CPAMD8: variants seen among roughly 807,000 people sequenced by gnomAD.
CPAMD8 encodes the protein C3 and PZP-like alpha-2-macroglobulin domain-containing protein 8.
CPAMD8 carries 146 observed loss-of-function variants against 224.7 expected under a neutral mutation model. The observed-to-expected ratio is 0.65, with a 90% confidence interval of 0.57 to 0.75. The LOEUF (loss-of-function observed/expected upper bound fraction) is 0.75. Among genes scored for constraint, CPAMD8 ranks in the 30% least tolerant of loss-of-function variants. The pLI, the probability that CPAMD8 is intolerant of heterozygous loss-of-function variation, is 0.00. For synonymous variants in CPAMD8, 966 were observed against 1,044.6 expected (o/e 0.92, Z 1.45); for missense variants, 2,301 against 2,537.5 (o/e 0.91, Z 2.00).
chr19:16,905,341 A>C (rs1239890545), intron 30 of CPAMD8, among the ~76,000 whole-genome samples: 1 of 151,730 alleles, frequency 6.6e-6, no homozygotes, highest in Non-Finnish European at 1.5e-5. Flanking sequence ...GCACTTTGGG[A>C]GGCTGAGGCA....
intron 18 of CPAMD8, among the ~76,000 whole-genome samples, chr19:16,963,051 A>G (rs972656715): frequency 1.3e-4 from 20 of 152,346 alleles, no homozygotes; most frequent in African/African-American, 3.8e-4. Context: ...AGCACTAAAC[A>G]TAGAAAGGAA....
rs189381158 is a variant in CPAMD8, at chr19:16,929,356, G to A, written c.2846-116C>T. Reference sequence around the variant, plus strand: ...CAAGGAGTGGGTCTCACTGTGACTCGGCACACATGGTGGAATGGTGTTGGC... The same window carrying A: ...CAAGGAGTGGGTCTCACTGTGACTCAGCACACATGGTGGAATGGTGTTGGC... On this transcript the variant is annotated intron_variant, in intron 23 of 41. Coordinates refer to ENST00000443236, the MANE Select transcript of CPAMD8 (RefSeq NM_015692.5). 988 of 764,562 alleles carry A rather than the reference G, an allele frequency of 1.3e-3. 5 individuals are homozygous for A. Among genetic ancestry groups the A allele is most frequent in the Admixed American group, 1.2e-3 (45 of 39,024 alleles). The allele number at this position is 764,562 out of a possible 1,614,324, so 47.4% of individuals were successfully genotyped here. A position where few individuals can be genotyped will look rare whatever the true frequency, so the allele number is the denominator to read the frequency against.
chr19:16,932,674 A>C (rs748091448), intron 23 of CPAMD8, among the ~76,000 whole-genome samples: 3 of 152,190 alleles, frequency 2.0e-5, no homozygotes, highest in Non-Finnish European at 4.4e-5. Context: ...AAAAGAAAGA[A>C]CAAAGCCAAC....
chr19:17,007,334 T>TA (rs561799746), intron 7 of CPAMD8, among the ~76,000 whole-genome samples: 12 of 145,460 alleles, frequency 8.2e-5, no homozygotes, highest in East Asian at 2.0e-4. Flanking sequence ...GACTGTATTT[T>TA]AAAAAAAAAG....
intron 21 of CPAMD8, among the ~76,000 whole-genome samples, chr19:16,946,559 G>A (rs908852261): frequency 2.7e-5 from 4 of 150,890 alleles, no homozygotes; most frequent in Admixed American, 2.6e-4. Context: ...GGGCGTGTGT[G>A]TGGATTTGTG....
chr19:16,974,978 A>C lies in CPAMD8; in HGVS notation c.2070+119T>G, dbSNP rs997673414. On this transcript the variant is annotated intron_variant, in intron 17 of 41. Transcript: ENST00000443236. ...CCACAGAGCGAGACCCCATCTCGAA[A>C]AAAAGAAAGAAAAGCTTCCAATTCT... 7.3e-6 allele frequency: 10 copies of C among 1,370,988 alleles called. No individual in the cohort carries two copies. The Admixed American group carries it at 2.2e-4, about 30-fold the overall frequency. The allele number at this position is 1,370,988 out of a possible 1,614,324, so 84.9% of individuals were successfully genotyped here. A position where few individuals can be genotyped will look rare whatever the true frequency, so the allele number is the denominator to read the frequency against.
intron 39 of CPAMD8, chr19:16,897,088 CT>C (rs1446706053): frequency 8.3e-6 from 1 of 120,164 alleles, no homozygotes; most frequent in Non-Finnish European, 1.7e-5. Flanking sequence ...CCTGACCACT[CT>C]TAACCCCGCC....
intron 18 of CPAMD8, among the ~76,000 whole-genome samples, chr19:16,962,686 A>T (rs1175297622): frequency 2.0e-5 from 3 of 152,256 alleles, no homozygotes; most frequent in African/African-American, 7.2e-5. Context: ...CAGGAAATAA[A>T]GAGAACACCA....
intron 32 of CPAMD8, 50 bp downstream of exon 32, chr19:16,904,176 A>ACGCCCCCCCCCCCCC: frequency 2.1e-6 from 2 of 937,340 alleles, no homozygotes; most frequent in Non-Finnish European, 3.3e-6. Flanking sequence ...GACTGCAGGG[A>ACGCCCCCCCCCCCCC]CCCCACCCAC....
At chr19:16,978,094 G>A (rs945202970) in intron 14 of CPAMD8, among the ~76,000 whole-genome samples, 3 of 152,150 alleles carry the variant, frequency 2.0e-5, no homozygotes, top group Admixed American at 2.0e-4. Flanking sequence ...AGAGAATGAG[G>A]GTAGAAAGGC....
intron 29 of CPAMD8, among the ~76,000 whole-genome samples, chr19:16,908,279 C>T (rs2052599221): frequency 6.6e-6 from 1 of 152,038 alleles, no homozygotes; most frequent in South Asian, 2.1e-4. Flanking sequence ...ACAAGAATCC[C>T]TTGAACCCGA....
intron 26 of CPAMD8, among the ~76,000 whole-genome samples, chr19:16,923,745 C>G (rs969697030): frequency 6.6e-6 from 1 of 152,152 alleles, no homozygotes; most frequent in Admixed American, 6.5e-5. Flanking sequence ...GAGAGGATCA[C>G]TTGAGGCCGG....
Position 16,997,169 on chromosome 19 carries a change from A to C in CPAMD8, c.1037T>G (p.Ile346Ser). Residue 346 changes from isoleucine (I) to serine (S), a missense_variant, in exon 11 of 42, where the codon ATC (isoleucine) becomes AGC (serine). Physicochemically the swap from Ile to Ser is moderately radical, Grantham distance 142 (BLOSUM62 -2). Around this residue, in one of 4 missense-constraint regions of CPAMD8, gnomAD observed 301 missense variants for 406.6 expected, o/e 0.74. Transcript: ENST00000443236. ...CTTCCTCGTGTCCTTGGAGTACCGG[A>C]TGTCCACCAGCTGCCTCTGCACGGG... ...STPVQRQLVD[I>S]RYSKDTRKQF... is the part of the protein sequence containing the mutation. 6.2e-7 allele frequency: 1 copy of C among 1,602,918 alleles called. No homozygotes were observed. Among genetic ancestry groups the C allele is most frequent in the Non-Finnish European group, 8.5e-7 (1 of 1,170,108 alleles).
At chr19:16,925,465 TC>T in intron 25 of CPAMD8, 93 bp from the exon 26 acceptor site, 1 of 1,023,830 alleles carries the variant, frequency 9.8e-7, no homozygotes, top group Non-Finnish European at 1.5e-6. Context: ...ACAGTGAGTG[TC>T]ATGCAGTCAG....
At position 16,903,676 on chromosome 19, in the gene CPAMD8, C is replaced by G. The variant is rs763896569; in HGVS notation, c.4407+26G>C. 6.2e-6 allele frequency: 10 copies of G among 1,614,052 alleles called. No individual in the cohort carries two copies. The South Asian group carries it at 1.1e-4, about 18-fold the overall frequency. ...TGCTGACCCCTCCTCCAACAACCCC[C>G]AAACCCTCATCCCAGGAACACGCAC... On this transcript the variant is annotated intron_variant, in intron 33 of 41. Coordinates refer to ENST00000443236, the MANE Select transcript of CPAMD8 (RefSeq NM_015692.5).
intron 8 of CPAMD8, among the ~76,000 whole-genome samples, chr19:17,003,872 C>T (rs77825705): frequency 0.28 from 42,806 of 151,074 alleles, 6,307 homozygotes; most frequent in East Asian, 0.37. Flanking sequence ...TGTCATCCTC[C>T]ACCTCTTCAC....
intron 13 of CPAMD8, among the ~76,000 whole-genome samples, chr19:16,987,407 C>T (rs879573677): frequency 1.5e-4 from 22 of 151,428 alleles, no homozygotes; most frequent in African/African-American, 4.1e-4. Flanking sequence ...GCCTACTGAA[C>T]GTGAAGATGA....
intron 29 of CPAMD8, among the ~76,000 whole-genome samples, chr19:16,908,671 C>T (rs534111587): frequency 6.6e-6 from 1 of 152,346 alleles, no homozygotes; most frequent in African/African-American, 2.4e-5. Flanking sequence ...ACTCTGCTTT[C>T]GGAACTGTCC....
intron 12 of CPAMD8, 40 bp downstream of exon 12, chr19:16,993,376 C>T: frequency 6.3e-7 from 1 of 1,583,086 alleles, no homozygotes; most frequent in Non-Finnish European, 8.6e-7. Context: ...CAAGTCCATA[C>T]CTGCTGGCTG....
Sources: allele counts gnomAD v4.1 joint callset (sites outside exome capture counted in the v4.1 genomes callset), GRCh38; gene constraint gnomAD v4.1.1; regional missense constraint gnomAD v4.1.1; transcripts MANE v1.5; gene names NCBI Gene and HGNC (gene_info 2026-07-23, HGNC 2026-07-21).